SCN11A: variants seen among roughly 807,000 people sequenced by gnomAD.
SCN11A encodes the protein sodium voltage-gated channel alpha subunit 11.
In SCN11A, 122 loss-of-function variants were observed where a neutral mutation model predicts 162.2. The ratio of observed to expected loss-of-function variants is 0.75; its 90% CI spans 0.65 to 0.87. The LOEUF (loss-of-function observed/expected upper bound fraction) is 0.87, where lower values mean the gene tolerates loss of function less well. SCN11A is among the 40% of genes least tolerant of loss of function. The pLI, the probability that SCN11A is intolerant of heterozygous loss-of-function variation, is 0.00. For missense variants in SCN11A, 2,015 were observed against 2,181.6 expected (o/e 0.92, Z 1.52); for synonymous variants, 758 against 751.5 (o/e 1.01, Z -0.14).
chr3:39,046,074 A>G (rs1474129475), intron 1 of SCN11A, among the ~76,000 whole-genome samples: 1 of 152,204 alleles, frequency 6.6e-6, no homozygotes, highest in Non-Finnish European at 1.5e-5. Context: ...AGCCTGGCCA[A>G]CAGGGCAAAA....
At chr3:38,945,759 C>T (rs1260250657) in intron 6 of SCN11A, among the ~76,000 whole-genome samples, 1 of 152,216 alleles carries the variant, frequency 6.6e-6, no homozygotes, top group Non-Finnish European at 1.5e-5. Flanking sequence ...TAGGCCCTTG[C>T]TTCAAAGTGG....
At chr3:38,896,388 A>T (rs2065597937) in intron 18 of SCN11A, among the ~76,000 whole-genome samples, 1 of 152,218 alleles carries the variant, frequency 6.6e-6, no homozygotes, top group Non-Finnish European at 1.5e-5. Context: ...ATTCCACCAC[A>T]GCTCTAAGCT....
chr3:38,946,639 C>T lies in SCN11A; in HGVS notation c.386+150G>A, dbSNP rs183953683. ...GAAGGAGACGACATCTTGCTCACAT[C>T]CAGCACAGTCCCTGCCTGCAGCAGT... On this transcript the variant is annotated intron_variant, in intron 6 of 29. Coordinates refer to ENST00000302328, the MANE Select transcript of SCN11A (RefSeq NM_001349253.2). 3,741 of 653,270 alleles carry T rather than the reference C, an allele frequency of 5.7e-3. 22 individuals are homozygous for T. The highest frequency in any genetic ancestry group is 6.0e-3 in the Middle Eastern group (23 of 3,840). The allele number at this position is 653,270 out of a possible 1,614,324, so 40.5% of individuals were successfully genotyped here. A position where few individuals can be genotyped will look rare whatever the true frequency, so the allele number is the denominator to read the frequency against.
chr3:39,039,815 T>G (rs1479483047), intron 1 of SCN11A, among the ~76,000 whole-genome samples: 3 of 151,330 alleles, frequency 2.0e-5, no homozygotes, highest in African/African-American at 7.3e-5. Flanking sequence ...CCCTGCCCCC[T>G]CCAGTGGCAG....
intron 2 of SCN11A, among the ~76,000 whole-genome samples, chr3:39,028,293 G>T (rs1172196733): frequency 6.6e-6 from 1 of 152,136 alleles, no homozygotes. Flanking sequence ...GGCGGAGAAG[G>T]GATAGAGTTC....
At chr3:39,042,198 G>A (rs2032064456) in intron 1 of SCN11A, among the ~76,000 whole-genome samples, 1 of 152,160 alleles carries the variant, frequency 6.6e-6, no homozygotes. Flanking sequence ...GAACCCAGCA[G>A]GTAGAGGCTG....
chr3:39,048,492 A>G (rs2032238402), intron 1 of SCN11A, among the ~76,000 whole-genome samples: 1 of 152,202 alleles, frequency 6.6e-6, no homozygotes, highest in Non-Finnish European at 1.5e-5. Flanking sequence ...AATTTATTCC[A>G]TATTTTCAAA....
At chr3:38,848,692 G>A (rs1261316749) in intron 29 of SCN11A, among the ~76,000 whole-genome samples, 1 of 152,098 alleles carries the variant, frequency 6.6e-6, no homozygotes, top group Non-Finnish European at 1.5e-5. Context: ...TATTTCTTGG[G>A]CTGATCAAGC....
At position 38,846,413 on chromosome 3, in the gene SCN11A, G is replaced by T. The variant is rs1383285459; in HGVS notation, c.*281C>A. 5.2e-6 allele frequency: 2 copies of T among 381,118 alleles called. No individual in the cohort carries two copies. Among genetic ancestry groups the T allele is most frequent in the East Asian group, 4.9e-5 (1 of 20,356 alleles). 23.6% of individuals were successfully genotyped at this position (381,118 alleles called of 1,614,324 possible). The stretch of plus-strand genomic sequence containing the variant: ...AGGCATGAGCCACTGCGCCCGGCCT[G>T]AACTATTTCAATCCTAAAATTGGTA... On this transcript the variant is annotated 3_prime_UTR_variant, in exon 30 of 30. Coordinates refer to ENST00000302328, the MANE Select transcript of SCN11A (RefSeq NM_001349253.2).
intron 19 of SCN11A, among the ~76,000 whole-genome samples, chr3:38,889,888 G>GT (rs2065470440): frequency 1.3e-5 from 2 of 149,266 alleles, no homozygotes; most frequent in Admixed American, 1.3e-4. Flanking sequence ...ATGCTGTTTA[G>GT]TATCATCAAA....
chr3:38,950,782 C>T lies in SCN11A; in HGVS notation c.-7-413G>A, dbSNP rs73828751. 0.021 allele frequency among the ~76,000 whole-genome samples: 3,149 copies of T among 152,276 alleles called. 71 individuals are homozygous for T. The highest frequency in any genetic ancestry group is 0.057 in the African/African-American group (2,368 of 41,556). On this transcript the variant is annotated intron_variant, in intron 4 of 29. Transcript: ENST00000302328. ...ATGGCCCAAACAAGAGAAAAAGGAA[C>T]AGGGAATTGACTGGGCCATAGTTAT...
intron 2 of SCN11A, among the ~76,000 whole-genome samples, chr3:38,993,695 C>T (rs2030524298): frequency 6.6e-6 from 1 of 152,204 alleles, no homozygotes; most frequent in Non-Finnish European, 1.5e-5. Flanking sequence ...TCACTTTTCT[C>T]CTGGCCTGTG....
intron 2 of SCN11A, among the ~76,000 whole-genome samples, chr3:39,008,059 G>A (rs919837119): frequency 4.6e-5 from 7 of 152,078 alleles, no homozygotes; most frequent in Non-Finnish European, 1.0e-4. Context: ...CTCGGTGTGG[G>A]AAATCTACAC....
At chr3:38,981,412 C>G (rs986897072) in intron 2 of SCN11A, among the ~76,000 whole-genome samples, 2 of 152,050 alleles carry the variant, frequency 1.3e-5, no homozygotes, top group African/African-American at 4.8e-5. Flanking sequence ...CCAATATGAA[C>G]AGAGCACTGT....
chr3:38,850,401 T>G (rs2064755275), intron 29 of SCN11A, 80 bp downstream of exon 29: 1 of 1,348,316 alleles, frequency 7.4e-7, no homozygotes, highest in Non-Finnish European at 1.0e-6. Context: ...GTGGATAGTT[T>G]GAACAAACTT....
Position 39,047,351 on chromosome 3 carries a change from C to T in SCN11A, c.-404+4510G>A, listed in dbSNP as rs1052077677. Among the ~76,000 whole-genome samples, 8 of 152,002 alleles carry T rather than the reference C, an allele frequency of 5.3e-5. No individual in the cohort carries two copies. In the East Asian group the frequency reaches 1.2e-3, roughly 22 times the overall value. ...AAAAGGAAAGAAACTAGACTCCCTA[C>T]GTCTCACCCTATACAAAAATCAACA... On this transcript the variant is annotated intron_variant, in intron 1 of 29. Coordinates refer to ENST00000302328, the MANE Select transcript of SCN11A (RefSeq NM_001349253.2).
intron 28 of SCN11A, among the ~76,000 whole-genome samples, chr3:38,861,295 A>G (rs1291738502): frequency 6.6e-6 from 1 of 152,214 alleles, no homozygotes; most frequent in African/African-American, 2.4e-5. Flanking sequence ...TAGAATTAAC[A>G]TTGTGAAAAT....
intron 2 of SCN11A, among the ~76,000 whole-genome samples, chr3:39,009,093 A>T (rs2031056805): frequency 6.6e-6 from 1 of 152,142 alleles, no homozygotes; most frequent in African/African-American, 2.4e-5. Context: ...ATGTGATATT[A>T]CAACAGATTG....
chr3:38,890,923 G>A (rs1015815793), intron 19 of SCN11A, among the ~76,000 whole-genome samples: 5 of 152,082 alleles, frequency 3.3e-5, no homozygotes, highest in Admixed American at 1.3e-4. Context: ...GCTTCAGAGA[G>A]GAGAAAAGTG....
Sources: allele counts gnomAD v4.1 joint callset (sites outside exome capture counted in the v4.1 genomes callset), GRCh38; gene constraint gnomAD v4.1.1; transcripts MANE v1.5; gene names NCBI Gene and HGNC (gene_info 2026-07-23, HGNC 2026-07-21).